The following BLTP1 variants were observed in gnomAD, a reference collection of about 807,000 sequenced individuals.
BLTP1 encodes the protein fragile site-associated protein.
the BLTP1 span, chr4:122,344,289 A>G: frequency 7.7e-7 from 1 of 1,303,918 alleles, no homozygotes; most frequent in Non-Finnish European, 1.0e-6. Context: ...ATGGCATATT[A>G]CAGTATATTA....
the BLTP1 span, chr4:122,286,829 T>C: frequency 1.3e-6 from 2 of 1,517,978 alleles, no homozygotes; most frequent in Admixed American, 1.8e-5. Flanking sequence ...AATTTAGGAG[T>C]CTTCAAGATT....
the BLTP1 span, among the ~76,000 whole-genome samples, chr4:122,193,893 C>A: frequency 6.6e-6 from 1 of 151,906 alleles, no homozygotes; most frequent in African/African-American, 2.4e-5. Flanking sequence ...GACGGAGTCT[C>A]GCTCTGTCGC....
At chr4:122,300,425 C>T in the BLTP1 span, among the ~76,000 whole-genome samples, 2 of 152,088 alleles carry the variant, frequency 1.3e-5, no homozygotes, top group Non-Finnish European at 2.9e-5. Context: ...ATTTATTCAT[C>T]TTTATGTACA....
chr4:122,196,546 T>TA, the BLTP1 span: 11 of 1,061,434 alleles, frequency 1.0e-5, no homozygotes, highest in East Asian at 2.5e-5. Flanking sequence ...GCAATGATAA[T>TA]AAAAAATTAG....
chr4:122,246,667 T>G, the BLTP1 span: 1 of 1,599,562 alleles, frequency 6.3e-7, no homozygotes, highest in African/African-American at 1.3e-5. Flanking sequence ...GTTCTGAAAT[T>G]TTGTGTGTGT....
chr4:122,275,285 G>T, the BLTP1 span, among the ~76,000 whole-genome samples: 1 of 151,974 alleles, frequency 6.6e-6, no homozygotes, highest in Non-Finnish European at 1.5e-5. Flanking sequence ...CTGCAATTTT[G>T]GGAACTGGAG....
At chr4:122,216,085 GTCTA>G in the BLTP1 span, among the ~76,000 whole-genome samples, 37,962 of 143,738 alleles carry the variant, frequency 0.26, 5,269 homozygotes, top group Middle Eastern at 0.3. Flanking sequence ...ATCTTTGTCT[GTCTA>G]TCTATCTATC....
At chr4:122,324,109 T>C in the BLTP1 span, among the ~76,000 whole-genome samples, 1 of 151,978 alleles carries the variant, frequency 6.6e-6, no homozygotes, top group East Asian at 1.9e-4. Flanking sequence ...AATTCTCAGT[T>C]TCTTTCTCCA....
the BLTP1 span, chr4:122,192,221 G>C: frequency 6.2e-7 from 1 of 1,611,630 alleles, no homozygotes; most frequent in Non-Finnish European, 8.5e-7. Flanking sequence ...GTATGTTCTG[G>C]AATATAGGAC....
At chr4:122,229,047 A>G in the BLTP1 span, 2 of 1,283,442 alleles carry the variant, frequency 1.6e-6, no homozygotes, top group Non-Finnish European at 1.0e-6. Context: ...GTGTTTATTT[A>G]AAGAAGATGA....
chr4:122,167,875 C>T, the BLTP1 span: 1 of 985,234 alleles, frequency 1.0e-6, no homozygotes, highest in Non-Finnish European at 1.2e-6. Flanking sequence ...GAGGAAACAA[C>T]CAGTTTGTAT....
At chr4:122,322,670 C>T in the BLTP1 span, among the ~76,000 whole-genome samples, 1 of 152,142 alleles carries the variant, frequency 6.6e-6, no homozygotes, top group Non-Finnish European at 1.5e-5. Context: ...GTAAGAGAAG[C>T]ATTTTATCGT....
At chr4:122,322,253 CA>C in the BLTP1 span, among the ~76,000 whole-genome samples, 1 of 151,526 alleles carries the variant, frequency 6.6e-6, no homozygotes, top group Non-Finnish European at 1.5e-5. Flanking sequence ...TCACTTTTTG[CA>C]GTTCCTATTG....
chr4:122,302,494 G>T, the BLTP1 span, among the ~76,000 whole-genome samples: 1 of 152,152 alleles, frequency 6.6e-6, no homozygotes, highest in Non-Finnish European at 1.5e-5. Flanking sequence ...AATCTTTGAT[G>T]TTGCTGCGGG....
At chr4:122,243,362 T>G in the BLTP1 span, 53 of 960,526 alleles carry the variant, frequency 5.5e-5, no homozygotes, top group Admixed American at 1.2e-4. Context: ...TAAAATTTTC[T>G]CATTCAATGT....
chr4:122,189,291 A>G, the BLTP1 span: 1 of 977,732 alleles, frequency 1.0e-6, no homozygotes, highest in Admixed American at 6.2e-5. Flanking sequence ...GTTAATTTTG[A>G]TATGCAAGAA....
At chr4:122,362,266 G>A in the BLTP1 span, 3 of 1,592,562 alleles carry the variant, frequency 1.9e-6, no homozygotes, top group African/African-American at 2.7e-5. Context: ...TTTGATCTGT[G>A]AACAAATTAT....
chr4:122,343,934 G>A, the BLTP1 span: 210,682 of 892,530 alleles, frequency 0.24, 25,911 homozygotes, highest in African/African-American at 0.31. Flanking sequence ...ACAACAAACT[G>A]CGTAGAAAGT....
the BLTP1 span, chr4:122,224,354 T>A: frequency 4.6e-6 from 4 of 872,274 alleles, no homozygotes; most frequent in Middle Eastern, 3.5e-4. Context: ...GGGTACAAGG[T>A]TGTGTTAGGA....
Sources: gnomAD v4.1 joint callset for allele counts (sites outside exome capture counted in the v4.1 genomes callset) on GRCh38, gnomAD v4.1.1 for gene constraint, MANE v1.5 for transcripts, NCBI Gene and HGNC (gene_info 2026-07-23, HGNC 2026-07-21) for gene names.